The following PLD5 variants were observed in gnomAD, a reference collection of about 807,000 sequenced individuals.
The protein encoded by PLD5 is phospholipase D family member 5.
A neutral mutation model predicts 61.1 loss-of-function variants in PLD5; 36 were observed. The observed-to-expected ratio is 0.59, with a 90% CI of 0.45 to 0.78. PLD5 has a LOEUF of 0.78. Ranked by LOEUF, PLD5 falls within the 30% of genes least tolerant of loss-of-function variation. PLD5 has a pLI of 0.00. For synonymous variants in PLD5, 243 were observed against 242.8 expected (o/e 1.00, Z -0.01); for missense variants, 515 against 644.4 (o/e 0.80, Z 2.17).
intron 1 of PLD5, among the ~76,000 whole-genome samples, chr1:242,360,642 T>G (rs971171279): frequency 9.8e-5 from 15 of 152,324 alleles, no homozygotes; most frequent in Non-Finnish European, 1.2e-4. Context: ...AAGGTTTATA[T>G]TCTGCTTTTT....
chr1:242,136,611 A>T (rs916979150), intron 5 of PLD5, among the ~76,000 whole-genome samples: 2 of 152,164 alleles, frequency 1.3e-5, no homozygotes, highest in Non-Finnish European at 2.9e-5. Context: ...AAAACACCCA[A>T]AGCACTACTC....
At chr1:242,461,461 A>G (rs984311160) in intron 1 of PLD5, among the ~76,000 whole-genome samples, 8 of 152,246 alleles carry the variant, frequency 5.3e-5, no homozygotes, top group African/African-American at 1.9e-4. Flanking sequence ...TTTGATTTCA[A>G]ATACCACATT....
chr1:242,286,606 A>C (rs1365337786), intron 3 of PLD5, among the ~76,000 whole-genome samples: 1 of 152,162 alleles, frequency 6.6e-6, no homozygotes, highest in South Asian at 2.1e-4. Context: ...GACTGCCCCC[A>C]CACACATCCC....
At chr1:242,404,188 G>A (rs760180894) in intron 1 of PLD5, among the ~76,000 whole-genome samples, 6 of 152,194 alleles carry the variant, frequency 3.9e-5, no homozygotes, top group Non-Finnish European at 8.8e-5. Context: ...AGTACCTCAC[G>A]AAGTAGCAGA....
chr1:242,214,376 T>TGA (rs1307924259), intron 5 of PLD5, among the ~76,000 whole-genome samples: 1 of 152,198 alleles, frequency 6.6e-6, no homozygotes, highest in Non-Finnish European at 1.5e-5. Context: ...TTCAGAACCT[T>TGA]GAGAGAGCCC....
intron 5 of PLD5, among the ~76,000 whole-genome samples, chr1:242,134,024 G>C (rs1022710119): frequency 6.6e-6 from 1 of 152,196 alleles, no homozygotes; most frequent in Non-Finnish European, 1.5e-5. Flanking sequence ...TGAGGAAGTT[G>C]AGGTCATTCC....
At chr1:242,110,394 G>A (rs979433472) in intron 7 of PLD5, among the ~76,000 whole-genome samples, 50 of 152,054 alleles carry the variant, frequency 3.3e-4, no homozygotes. Context: ...TCAGCCTCAG[G>A]TGCATTCATT....
At chr1:242,301,235 A>G (rs1450104856) in intron 2 of PLD5, among the ~76,000 whole-genome samples, 1 of 152,156 alleles carries the variant, frequency 6.6e-6, no homozygotes, top group Non-Finnish European at 1.5e-5. Flanking sequence ...GGGTTCAGTG[A>G]GGAAGATGTT....
At chr1:242,246,518 A>ACAC (rs1256880675) in intron 4 of PLD5, among the ~76,000 whole-genome samples, 28 of 73,712 alleles carry the variant, frequency 3.8e-4, no homozygotes, top group East Asian at 1.1e-3. Flanking sequence ...CACACACACA[A>ACAC]AAGCAAAATC....
intron 3 of PLD5, among the ~76,000 whole-genome samples, chr1:242,286,793 C>A (rs1558431489): frequency 1.3e-5 from 2 of 152,204 alleles, no homozygotes. Flanking sequence ...ATTTCTAGAT[C>A]TAGCCAAAGA....
chr1:242,166,489 C>T (rs1393299), intron 5 of PLD5, among the ~76,000 whole-genome samples: 76,613 of 152,094 alleles, frequency 0.5, 19,951 homozygotes, highest in East Asian at 0.71. Flanking sequence ...TACACACATA[C>T]ACCCTGATGG....
chr1:242,123,690 T>C (rs1205592297), intron 6 of PLD5, among the ~76,000 whole-genome samples: 1 of 152,250 alleles, frequency 6.6e-6, no homozygotes, highest in Non-Finnish European at 1.5e-5. Context: ...CAATTGTTTT[T>C]TTTCTTATCA....
At chr1:242,181,657 G>GTT (rs112861899) in intron 5 of PLD5, among the ~76,000 whole-genome samples, 45,975 of 149,368 alleles carry the variant, frequency 0.31, 7,166 homozygotes, top group African/African-American at 0.36. Context: ...CTCTTCAATG[G>GTT]TTTTTTTTTG....
chr1:242,250,019 G>C (rs1245072546), intron 4 of PLD5, among the ~76,000 whole-genome samples: 3 of 152,152 alleles, frequency 2.0e-5, no homozygotes, highest in Non-Finnish European at 4.4e-5. Context: ...TTCTAGCATG[G>C]TTCCCTTCAT....
intron 1 of PLD5, among the ~76,000 whole-genome samples, chr1:242,381,814 T>A (rs541693901): frequency 6.6e-6 from 1 of 151,908 alleles, no homozygotes; most frequent in East Asian, 1.9e-4. Flanking sequence ...CTCCAACAAG[T>A]GTTAGGGGAG....
Position 242,348,157 on chromosome 1 carries a change from A to G in PLD5, c.275T>C (p.Met92Thr), listed in dbSNP as rs1281944577. 1 of 1,613,770 alleles carries G rather than the reference A, an allele frequency of 6.2e-7. No individual in the cohort carries two copies. The highest frequency in any genetic ancestry group is 2.2e-5 in the East Asian group (1 of 44,872). Residue 92 changes from methionine (M) to threonine (T), a missense_variant, in exon 2 of 10, where the codon ATG becomes ACG. This residue lies in a region of PLD5 where 450 missense variants were observed against 598.1 expected (regional missense o/e 0.75). Coordinates refer to ENST00000536534, the MANE Select transcript of PLD5 (RefSeq NM_001372062.1). Reference protein sequence around the residue: ...VALIFSAVDIMGEDEDGLSEK... With the variant: ...VALIFSAVDITGEDEDGLSEK... ...TGAGAGTCCATCCTCATCCTCTCCC[A>G]TGATGTCCACGGCTGAAAAGATCAG...
rs192079376 is a variant in PLD5, at chr1:242,391,765, G to A, written c.190-43523C>T. 1.2e-4 allele frequency among the ~76,000 whole-genome samples: 19 copies of A among 152,272 alleles called. No individual in the cohort carries two copies. In the East Asian group the frequency reaches 3.5e-3, roughly 28 times the overall value. ...CATACTCAGCTCTGTCTTGGGCAAT[G>A]TTTTGGGGAGCAGTTAGGGAGGAAC... On this transcript the variant is annotated intron_variant, in intron 1 of 9. Transcript: ENST00000536534.
chr1:242,356,744 A>G (rs1660774276), intron 1 of PLD5, among the ~76,000 whole-genome samples: 1 of 152,042 alleles, frequency 6.6e-6, no homozygotes, highest in Admixed American at 6.6e-5. Context: ...TTCCTAGAAT[A>G]TCTTACACTT....
At chr1:242,494,041 T>C (rs969273624) in intron 1 of PLD5, among the ~76,000 whole-genome samples, 2 of 151,458 alleles carry the variant, frequency 1.3e-5, no homozygotes, top group Non-Finnish European at 1.5e-5. Flanking sequence ...TGCCTTTGCA[T>C]TGGTATGCTT....
Sources: allele counts gnomAD v4.1 joint callset (sites outside exome capture counted in the v4.1 genomes callset), GRCh38; gene constraint gnomAD v4.1.1; regional missense constraint gnomAD v4.1.1; transcripts MANE v1.5; gene names NCBI Gene and HGNC (gene_info 2026-07-23, HGNC 2026-07-21).